Variants in SLC2A13 observed in about 807,000 individuals in gnomAD.
The protein encoded by SLC2A13 is solute carrier family 2 member 13, also known as proton myo-inositol cotransporter.
In SLC2A13, 32 loss-of-function variants were observed where a neutral mutation model predicts 64.4. The ratio of observed to expected loss-of-function variants is 0.50; its 90% CI spans 0.37 to 0.67. SLC2A13 has a LOEUF of 0.67. Ranked by LOEUF, SLC2A13 falls within the 30% of genes least tolerant of loss-of-function variation. The pLI is 0.00. For missense variants in SLC2A13, 743 were observed against 829.2 expected (o/e 0.90, Z 1.28); for synonymous variants, 338 against 327.1 (o/e 1.03, Z -0.36).
intron 7 of SLC2A13, among the ~76,000 whole-genome samples, chr12:39,808,852 G>T (rs1035265649): frequency 6.6e-6 from 1 of 151,772 alleles, no homozygotes; most frequent in Admixed American, 6.6e-5. Flanking sequence ...TAATACTTCC[G>T]GTCTGTGGCT....
intron 7 of SLC2A13, among the ~76,000 whole-genome samples, chr12:39,794,767 TCAATTTGCGAATCATTCTTTGCA>T (rs1422929932): frequency 4.6e-5 from 7 of 152,212 alleles, no homozygotes; most frequent in African/African-American, 4.8e-5. Flanking sequence ...CATTCTTTGC[TCAATTTGCGAATCATTCTTTGCA>T]CAATTAAACT....
chr12:39,782,601 G>C (rs1592132642), intron 7 of SLC2A13, among the ~76,000 whole-genome samples: 1 of 152,070 alleles, frequency 6.6e-6, no homozygotes, highest in African/African-American at 2.4e-5. Context: ...ACAGTAAATT[G>C]GTACAAGTAG....
At chr12:39,846,782 TG>T (rs1790406686) in intron 6 of SLC2A13, among the ~76,000 whole-genome samples, 2 of 152,114 alleles carry the variant, frequency 1.3e-5, no homozygotes, top group Admixed American at 1.3e-4. Context: ...TCAGTGTCAC[TG>T]GTAAAATGGG....
At chr12:40,092,053 G>A (rs1938787371) in intron 1 of SLC2A13, among the ~76,000 whole-genome samples, 1 of 152,112 alleles carries the variant, frequency 6.6e-6, no homozygotes, top group South Asian at 2.1e-4. Flanking sequence ...ATTACTGTCT[G>A]TATTAATGAC....
intron 7 of SLC2A13, among the ~76,000 whole-genome samples, chr12:39,773,423 T>C (rs11173525): frequency 6.6e-6 from 1 of 152,124 alleles, no homozygotes; most frequent in South Asian, 2.1e-4. Context: ...AGTAATAACA[T>C]GTAGAAATTA....
chr12:39,993,432 G>A (rs968735450), intron 3 of SLC2A13, among the ~76,000 whole-genome samples: 5 of 152,202 alleles, frequency 3.3e-5, no homozygotes, highest in African/African-American at 1.2e-4. Flanking sequence ...AGAGATAGAT[G>A]CAGAGCAAAT....
intron 1 of SLC2A13, among the ~76,000 whole-genome samples, chr12:40,078,337 T>A (rs1181397526): frequency 3.3e-5 from 5 of 152,154 alleles, no homozygotes; most frequent in Admixed American, 6.5e-5. Flanking sequence ...AATGCCTACT[T>A]TGTTGAGGGT....
chr12:39,859,463 A>G (rs1014975311), intron 6 of SLC2A13, among the ~76,000 whole-genome samples: 3 of 152,132 alleles, frequency 2.0e-5, no homozygotes, highest in Middle Eastern at 3.4e-3. Context: ...GAAAGGGAAA[A>G]CAGGTGACTT....
At chr12:39,776,684 G>A (rs1028616076) in intron 7 of SLC2A13, among the ~76,000 whole-genome samples, 5 of 152,196 alleles carry the variant, frequency 3.3e-5, no homozygotes, top group African/African-American at 1.2e-4. Flanking sequence ...AGTCTGCTGA[G>A]CAGTATTCTA....
intron 2 of SLC2A13, among the ~76,000 whole-genome samples, chr12:40,040,363 C>A (rs1948064242): frequency 6.6e-6 from 1 of 152,114 alleles, no homozygotes; most frequent in Admixed American, 6.6e-5. Context: ...GATAAACAGT[C>A]GTATTTATAT....
At chr12:39,872,960 T>G (rs973483483) in intron 4 of SLC2A13, among the ~76,000 whole-genome samples, 1 of 152,210 alleles carries the variant, frequency 6.6e-6, no homozygotes, top group Non-Finnish European at 1.5e-5. Flanking sequence ...TAGTTAAAAA[T>G]CTACAGTTTG....
chr12:39,834,343 A>G (rs780194174), intron 6 of SLC2A13, among the ~76,000 whole-genome samples: 17 of 152,074 alleles, frequency 1.1e-4, no homozygotes, highest in Admixed American at 5.2e-4. Flanking sequence ...TTCTACATCC[A>G]TATCTGTCCT....
Position 39,805,526 on chromosome 12 carries a change from T to C in SLC2A13, c.1445+24577A>G, listed in dbSNP as rs200525607. Among the ~76,000 whole-genome samples the C allele has an allele frequency of 4.1e-3, 559 of 135,478 alleles. 2 individuals carry two copies. Among genetic ancestry groups the C allele is most frequent in the African/African-American group, 0.011 (398 of 36,448 alleles). 88.9% of individuals were successfully genotyped at this position (135,478 alleles called of 152,430 possible). On this transcript the variant is annotated intron_variant, in intron 7 of 9. Transcript: ENST00000280871. ...AATGCCTCTGTTGGTTTTTTTTTTT[T>C]CCCCAGAGACTTTATTCCCATAGGC...
chr12:39,903,968 A>T (rs945446321), intron 4 of SLC2A13, among the ~76,000 whole-genome samples: 4 of 152,076 alleles, frequency 2.6e-5, no homozygotes, highest in Admixed American at 2.6e-4. Context: ...GCTATTTATC[A>T]GATTTCCTGC....
intron 7 of SLC2A13, among the ~76,000 whole-genome samples, chr12:39,821,055 T>C (rs1469117393): frequency 6.6e-6 from 1 of 152,112 alleles, no homozygotes; most frequent in East Asian, 1.9e-4. Flanking sequence ...TTCATAATTT[T>C]TTACCCTTTC....
intron 7 of SLC2A13, chr12:39,829,460 G>A (rs1351789586): frequency 1.7e-5 from 2 of 120,192 alleles, no homozygotes; most frequent in Non-Finnish European, 3.2e-5. Flanking sequence ...AGGCTGGAGT[G>A]CAGTGGTTTG....
intron 3 of SLC2A13, among the ~76,000 whole-genome samples, chr12:39,994,544 G>A (rs920920905): frequency 3.3e-5 from 5 of 151,864 alleles, no homozygotes; most frequent in Admixed American, 6.6e-5. Context: ...CAAAGAACTC[G>A]AAACAAGGGA....
intron 7 of SLC2A13, among the ~76,000 whole-genome samples, chr12:39,785,642 C>A (rs190303525): frequency 4.1e-4 from 63 of 152,260 alleles, no homozygotes; most frequent in African/African-American, 1.3e-3. Context: ...ACAGCTTGCA[C>A]TATGAGCCTG....
At chr12:40,073,427 GCTA>G (rs1267702609) in intron 1 of SLC2A13, among the ~76,000 whole-genome samples, 1 of 152,020 alleles carries the variant, frequency 6.6e-6, no homozygotes, top group African/African-American at 2.4e-5. Flanking sequence ...AGGCATTATT[GCTA>G]CTATTTTCAA....
Sources: allele counts gnomAD v4.1 joint callset (sites outside exome capture counted in the v4.1 genomes callset), GRCh38; gene constraint gnomAD v4.1.1; transcripts MANE v1.5; gene names NCBI Gene and HGNC (gene_info 2026-07-23, HGNC 2026-07-21).